Variants in HDAC8 observed in about 807,000 individuals in gnomAD.
HDAC8 encodes histone deacetylase-like 1.
In HDAC8, 1 loss-of-function variant was observed where a neutral mutation model predicts 32.2. The observed-to-expected ratio is 0.03, with a 90% CI of 0.01 to 0.15. The LOEUF (loss-of-function observed/expected upper bound fraction) is 0.15, where lower values mean the gene tolerates loss of function less well. HDAC8 is among the 10% of genes least tolerant of loss of function. The pLI is 1.00. For missense variants in HDAC8, 117 were observed against 300.0 expected (o/e 0.39, Z 4.51); for synonymous variants, 108 against 113.9 (o/e 0.95, Z 0.33).
chrX:72,464,179 A>G (rs142874917), intron 8 of HDAC8, among the ~76,000 whole-genome samples: 1,192 of 111,877 alleles, frequency 0.011, 21 homozygotes, highest in African/African-American at 0.036. Context: ...TTGGAATTTC[A>G]GTGACATGTT....
intron 9 of HDAC8, among the ~76,000 whole-genome samples, chrX:72,454,309 C>T (rs2047666532): frequency 9.0e-6 from 1 of 110,902 alleles, no homozygotes; most frequent in Non-Finnish European, 1.9e-5. Context: ...ACGGTCCAGC[C>T]AAACACAGCC....
chrX:72,525,316 G>A (rs1315217486), intron 4 of HDAC8, among the ~76,000 whole-genome samples: 2 of 110,846 alleles, frequency 1.8e-5, no homozygotes, highest in South Asian at 3.9e-4. Flanking sequence ...TAAAATCATC[G>A]CAGGTATCAC....
chrX:72,476,171 T>A (rs2036091402), intron 7 of HDAC8, among the ~76,000 whole-genome samples: 1 of 111,191 alleles, frequency 9.0e-6, no homozygotes, highest in Admixed American at 9.6e-5. Context: ...ACCTTACCAG[T>A]GGCCTGAAGT....
intron 4 of HDAC8, among the ~76,000 whole-genome samples, chrX:72,521,974 C>T (rs782063084): frequency 1.8e-5 from 2 of 111,476 alleles, no homozygotes; most frequent in East Asian, 5.7e-4. Context: ...CCAGAACAAG[C>T]AGAAAAAGAA....
intron 9 of HDAC8, among the ~76,000 whole-genome samples, chrX:72,451,061 G>A (rs2047557691): frequency 9.0e-6 from 1 of 111,605 alleles, no homozygotes; most frequent in African/African-American, 3.3e-5. Flanking sequence ...GGTCCCAAGT[G>A]TTTTAAAAAA....
At chrX:72,389,888 G>C (rs1193759726) in intron 9 of HDAC8, among the ~76,000 whole-genome samples, 2 of 111,663 alleles carry the variant, frequency 1.8e-5, no homozygotes, top group African/African-American at 6.5e-5. Flanking sequence ...TCCCAAAGGA[G>C]ATTATGAGCT....
chrX:72,444,243 T>A (rs1304152882), intron 9 of HDAC8, among the ~76,000 whole-genome samples: 1 of 99,650 alleles, frequency 1.0e-5, no homozygotes, highest in Non-Finnish European at 2.0e-5. Context: ...AAAAAGAGAA[T>A]TTTAGACCAA....
intron 9 of HDAC8, among the ~76,000 whole-genome samples, chrX:72,415,079 T>C (rs2046298045): frequency 8.9e-6 from 1 of 112,577 alleles, no homozygotes; most frequent in Non-Finnish European, 1.9e-5. Context: ...TTGAAAACTT[T>C]CAAATCTATA....
At chrX:72,436,307 T>A (rs782077090) in intron 9 of HDAC8, among the ~76,000 whole-genome samples, 2 of 111,141 alleles carry the variant, frequency 1.8e-5, no homozygotes, top group Non-Finnish European at 3.8e-5. Flanking sequence ...AAAGAACAAA[T>A]CTGGAAAGCA....
chrX:72,397,527 C>G (rs2045795120), intron 9 of HDAC8, among the ~76,000 whole-genome samples: 1 of 111,613 alleles, frequency 9.0e-6, no homozygotes, highest in Non-Finnish European at 1.9e-5. Context: ...CACCTGTGAA[C>G]TTACCATTGA....
intron 9 of HDAC8, among the ~76,000 whole-genome samples, chrX:72,394,279 G>A (rs1555964944): frequency 9.0e-6 from 1 of 110,928 alleles, no homozygotes; most frequent in Non-Finnish European, 1.9e-5. Flanking sequence ...TCGCTGACTG[G>A]CAAATTCTCT....
chrX:72,486,566 A>G lies in HDAC8; in HGVS notation c.737+2367T>C, dbSNP rs571431193. Among the ~76,000 whole-genome samples, 14 of 111,546 alleles carry G rather than the reference A, an allele frequency of 1.3e-4. No homozygotes were observed. In the South Asian group the frequency reaches 4.9e-3, roughly 39 times the overall value. On this transcript the variant is annotated intron_variant, in intron 7 of 10. Transcript: ENST00000373573. ...TATCGTGTGCCTGTTTGCCCCAGCT[A>G]CTTGGGAAGCTGAAGCAAGGGGATC...
At chrX:72,369,445 G>T (rs1298468398) in intron 9 of HDAC8, among the ~76,000 whole-genome samples, 2 of 112,407 alleles carry the variant, frequency 1.8e-5, no homozygotes, top group African/African-American at 6.5e-5. Flanking sequence ...GGGAAGCAGT[G>T]GTTGATGCTG....
chrX:72,467,140 T>C (rs1274956081), intron 7 of HDAC8: 1 of 109,229 alleles, frequency 9.2e-6, no homozygotes, highest in Non-Finnish European at 1.9e-5. Flanking sequence ...TGGTTGTAGT[T>C]ATGCAAGGCT....
At chrX:72,438,081 C>T (rs1555980026) in intron 9 of HDAC8, among the ~76,000 whole-genome samples, 1 of 112,159 alleles carries the variant, frequency 8.9e-6, no homozygotes, top group Non-Finnish European at 1.9e-5. Context: ...ACAGACATCT[C>T]ATACAGGAGA....
At chrX:72,416,349 T>C (rs781861794) in intron 9 of HDAC8, among the ~76,000 whole-genome samples, 35 of 102,970 alleles carry the variant, frequency 3.4e-4, no homozygotes, top group Non-Finnish European at 5.7e-4. Flanking sequence ...CTTTGATACC[T>C]GTGGAAGCTG....
At chrX:72,507,586 T>C (rs981958482) in intron 4 of HDAC8, among the ~76,000 whole-genome samples, 15 of 112,023 alleles carry the variant, frequency 1.3e-4, no homozygotes, top group African/African-American at 4.9e-4. Context: ...CTCCCTTGTT[T>C]ACCTGTCTCT....
At chrX:72,350,251 G>A (rs1318456988) in intron 10 of HDAC8, among the ~76,000 whole-genome samples, 1 of 111,592 alleles carries the variant, frequency 9.0e-6, no homozygotes, top group Non-Finnish European at 1.9e-5. Context: ...GCTAAGGGAC[G>A]CCTCAGAGGG....
chrX:72,470,149 AATAC>A (rs201216050), intron 7 of HDAC8, among the ~76,000 whole-genome samples: 28,044 of 96,840 alleles, frequency 0.29, 3,682 homozygotes, highest in African/African-American at 0.32. Flanking sequence ...CACAGTCTCA[AATAC>A]ATACATACAT....
Sources: gnomAD v4.1 joint callset for allele counts (sites outside exome capture counted in the v4.1 genomes callset) on GRCh38, gnomAD v4.1.1 for gene constraint, MANE v1.5 for transcripts, NCBI Gene and HGNC (gene_info 2026-07-23, HGNC 2026-07-21) for gene names.